Variants in ITGBL1 observed in about 807,000 individuals in gnomAD.
ITGBL1 encodes integrin subunit beta like 1.
Under a neutral mutation model 68.5 loss-of-function variants are expected in ITGBL1, and 51 were observed. The ratio of observed to expected loss-of-function variants is 0.74; its 90% CI spans 0.59 to 0.94. ITGBL1 has a LOEUF of 0.94. Ranked by LOEUF, ITGBL1 falls within the 40% of genes least tolerant of loss-of-function variation. The pLI is 0.00. For missense variants in ITGBL1, 649 were observed against 647.4 expected, an observed-to-expected ratio of 1.00 and a Z score of -0.03; for synonymous variants, 209 against 227.3, an observed-to-expected ratio of 0.92 and a Z score of 0.72.
At chr13:101,461,761 T>C (rs2048321603) in intron 2 of ITGBL1, among the ~76,000 whole-genome samples, 1 of 152,188 alleles carries the variant, frequency 6.6e-6, no homozygotes, top group South Asian at 2.1e-4. Context: ...GGGAATTCCC[T>C]GTCTGCAAAA....
intron 2 of ITGBL1, among the ~76,000 whole-genome samples, chr13:101,558,530 G>C (rs912983071): frequency 3.3e-5 from 5 of 152,092 alleles, no homozygotes; most frequent in Non-Finnish European, 5.9e-5. Flanking sequence ...CAAAGAGAAC[G>C]GAGAATGTCT....
intron 2 of ITGBL1, among the ~76,000 whole-genome samples, chr13:101,535,511 C>T (rs145421598): frequency 0.011 from 1,704 of 152,190 alleles, 31 homozygotes; most frequent in African/African-American, 0.039. Flanking sequence ...AATTCATGAC[C>T]AGACAGTTTT....
rs1221765157 is a variant in ITGBL1, at chr13:101,558,922, T to TGC, written c.317-8776_317-8775insCG. Among the ~76,000 whole-genome samples, 55 of 152,058 alleles carry TGC rather than the reference T, an allele frequency of 3.6e-4. No homozygotes were observed. The East Asian group carries it at 6.8e-3, about 19-fold the overall frequency. On this transcript the variant is annotated intron_variant, in intron 2 of 10. Transcript: ENST00000376180. ...GTATTTGTGTGTGTATGTGTGTGTG[T>TGC]GTGTGTTTATATAACTTTCATGAAT...
At chr13:101,619,215 C>T (rs961296148) in intron 7 of ITGBL1, among the ~76,000 whole-genome samples, 1 of 152,134 alleles carries the variant, frequency 6.6e-6, no homozygotes, top group Admixed American at 6.6e-5. Flanking sequence ...AGGTAGAATA[C>T]TGCCCCCATC....
At chr13:101,643,139 A>G (rs2032445050) in intron 7 of ITGBL1, among the ~76,000 whole-genome samples, 2 of 151,922 alleles carry the variant, frequency 1.3e-5, no homozygotes, top group South Asian at 4.2e-4. Flanking sequence ...CATTGGATCT[A>G]TAAATTACCT....
intron 2 of ITGBL1, among the ~76,000 whole-genome samples, chr13:101,484,074 C>A (rs2048667212): frequency 6.6e-6 from 1 of 151,126 alleles, no homozygotes; most frequent in South Asian, 2.1e-4. Flanking sequence ...TTTTCCCCTG[C>A]TTTTTGTCTA....
intron 2 of ITGBL1, among the ~76,000 whole-genome samples, chr13:101,474,302 G>A (rs965687882): frequency 6.6e-5 from 10 of 152,052 alleles, no homozygotes; most frequent in African/African-American, 2.4e-4. Context: ...AGCCTGGGGT[G>A]GTAATGGCCA....
At chr13:101,640,171 G>GA (rs961836278) in intron 7 of ITGBL1, among the ~76,000 whole-genome samples, 2 of 152,004 alleles carry the variant, frequency 1.3e-5, no homozygotes, top group African/African-American at 2.4e-5. Flanking sequence ...TTGCTTTTGA[G>GA]AAAAAAATTA....
intron 6 of ITGBL1, among the ~76,000 whole-genome samples, chr13:101,591,292 C>A (rs1468439928): frequency 3.3e-5 from 5 of 152,256 alleles, no homozygotes; most frequent in South Asian, 2.1e-4. Flanking sequence ...TAAACCGTTA[C>A]AAAAATTCCC....
At chr13:101,468,472 C>T (rs1208866641) in intron 2 of ITGBL1, among the ~76,000 whole-genome samples, 1 of 152,078 alleles carries the variant, frequency 6.6e-6, no homozygotes. Flanking sequence ...AACAATTATC[C>T]TCCAACTATT....
intron 2 of ITGBL1, among the ~76,000 whole-genome samples, chr13:101,525,095 A>C (rs988338529): frequency 2.6e-5 from 4 of 152,156 alleles, no homozygotes; most frequent in Non-Finnish European, 4.4e-5. Flanking sequence ...TTTCTTCATA[A>C]GGGTGCTCAA....
At chr13:101,605,687 T>C (rs1401353037) in intron 7 of ITGBL1, among the ~76,000 whole-genome samples, 2 of 151,658 alleles carry the variant, frequency 1.3e-5, no homozygotes, top group Non-Finnish European at 2.9e-5. Context: ...TTTATGCGTA[T>C]ACACGTATGT....
chr13:101,701,352 G>A (rs1342969856), intron 8 of ITGBL1, among the ~76,000 whole-genome samples: 1 of 152,076 alleles, frequency 6.6e-6, no homozygotes, highest in Non-Finnish European at 1.5e-5. Context: ...GGCCAACACA[G>A]TAAAACCCTG....
intron 2 of ITGBL1, among the ~76,000 whole-genome samples, chr13:101,466,226 A>C (rs1188564036): frequency 6.6e-6 from 1 of 152,242 alleles, no homozygotes; most frequent in Non-Finnish European, 1.5e-5. Flanking sequence ...TATTAGTAAT[A>C]GTAAAGTTCT....
intron 8 of ITGBL1, among the ~76,000 whole-genome samples, chr13:101,704,620 T>C (rs568172037): frequency 6.2e-4 from 94 of 152,028 alleles, no homozygotes; most frequent in Non-Finnish European, 6.8e-4. Context: ...ATCAAATATA[T>C]ACCTTCAAAT....
chr13:101,707,529 G>A (rs1728875011), intron 9 of ITGBL1, among the ~76,000 whole-genome samples: 1 of 152,150 alleles, frequency 6.6e-6, no homozygotes, highest in Admixed American at 6.5e-5. Context: ...AACATGTGCA[G>A]CCTGATATAA....
At chr13:101,650,242 G>A (rs1367033569) in intron 7 of ITGBL1, among the ~76,000 whole-genome samples, 1 of 152,150 alleles carries the variant, frequency 6.6e-6, no homozygotes, top group African/African-American at 2.4e-5. Context: ...AGCATTAGAA[G>A]CTGTACTTTA....
intron 2 of ITGBL1, among the ~76,000 whole-genome samples, chr13:101,553,585 G>A (rs2139217760): frequency 6.6e-6 from 1 of 152,248 alleles, no homozygotes; most frequent in African/African-American, 2.4e-5. Flanking sequence ...TTGTCACAAT[G>A]TTTTGGAGAC....
chr13:101,577,498 C>T (rs2050382494), intron 4 of ITGBL1, among the ~76,000 whole-genome samples: 1 of 152,114 alleles, frequency 6.6e-6, no homozygotes, highest in Non-Finnish European at 1.5e-5. Context: ...TCCTTATTTA[C>T]CTCTAACTCA....
Sources: gnomAD v4.1 joint callset for allele counts (sites outside exome capture counted in the v4.1 genomes callset) on GRCh38, gnomAD v4.1.1 for gene constraint, MANE v1.5 for transcripts, NCBI Gene and HGNC (gene_info 2026-07-23, HGNC 2026-07-21) for gene names.